The following EFCAB11 variants were observed in gnomAD, a reference collection of about 807,000 sequenced individuals.
The protein encoded by EFCAB11 is EF-hand calcium-binding domain-containing protein 11.
EFCAB11 carries 14 observed loss-of-function variants against 23.0 expected under a neutral mutation model. The observed-to-expected ratio is 0.61, with a 90% CI of 0.40 to 0.95. EFCAB11 has a LOEUF of 0.95. EFCAB11 is among the 40% of genes least tolerant of loss of function. The pLI is 0.00. For synonymous variants in EFCAB11, 65 were observed against 66.6 expected (o/e 0.98, Z 0.11); for missense variants, 198 against 195.8 (o/e 1.01, Z -0.07).
At chr14:89,819,419 TA>T (rs1886435507) in intron 5 of EFCAB11, among the ~76,000 whole-genome samples, 1 of 149,208 alleles carries the variant, frequency 6.7e-6, no homozygotes, top group Non-Finnish European at 1.5e-5. Flanking sequence ...AGAAACTTTC[TA>T]TCTTTTTTTT....
chr14:89,835,949 A>C (rs1050330367), intron 5 of EFCAB11, among the ~76,000 whole-genome samples: 18 of 152,050 alleles, frequency 1.2e-4, no homozygotes, highest in African/African-American at 4.1e-4. Flanking sequence ...TTTTTATTGC[A>C]GACACTCAAC....
intron 5 of EFCAB11, among the ~76,000 whole-genome samples, chr14:89,800,140 C>G (rs182694717): frequency 4.7e-4 from 72 of 152,160 alleles, no homozygotes; most frequent in African/African-American, 1.6e-3. Flanking sequence ...GAGCCAAGAT[C>G]GGGCCACTGC....
At chr14:89,851,449 G>T (rs1418627131) in intron 5 of EFCAB11, among the ~76,000 whole-genome samples, 1 of 152,242 alleles carries the variant, frequency 6.6e-6, no homozygotes, top group Non-Finnish European at 1.5e-5. Context: ...TTGGCTAAAT[G>T]AAGGGCTAAG....
In EFCAB11 at chr14:89,892,069, C is replaced by G. The variant is rs943294862; in HGVS notation, c.410+39472G>C. 27 of 1,542,402 alleles carry G rather than the reference C, an allele frequency of 1.8e-5. No individual in the cohort carries two copies. In the East Asian group the frequency reaches 5.6e-4, roughly 32 times the overall value. On this transcript the variant is annotated intron_variant, in intron 5 of 5. Transcript: ENST00000316738. ...GGAATGTGGTGGGTGTCCTGCTGGT[C>G]TTTGATGTGACAAACAGGAAGTCCT...
At chr14:89,911,424 G>A (rs1889672935) in intron 5 of EFCAB11, among the ~76,000 whole-genome samples, 1 of 152,190 alleles carries the variant, frequency 6.6e-6, no homozygotes, top group Non-Finnish European at 1.5e-5. Flanking sequence ...TTCAGACTAC[G>A]CAGACAAACA....
chr14:89,953,686 C>T (rs1380826104), intron 2 of EFCAB11, among the ~76,000 whole-genome samples: 1 of 152,164 alleles, frequency 6.6e-6, no homozygotes, highest in Admixed American at 6.5e-5. Flanking sequence ...TATTAGCAGC[C>T]TGGTGGTGAG....
At chr14:89,915,968 C>T (rs1451173622) in intron 5 of EFCAB11, among the ~76,000 whole-genome samples, 1 of 152,020 alleles carries the variant, frequency 6.6e-6, no homozygotes, top group Non-Finnish European at 1.5e-5. Context: ...AATATATATG[C>T]TATCTAGCCA....
chr14:89,801,897 G>A (rs1180562705), intron 5 of EFCAB11, among the ~76,000 whole-genome samples: 2 of 152,002 alleles, frequency 1.3e-5, no homozygotes, highest in African/African-American at 4.8e-5. Context: ...GGGAGGCTGA[G>A]GCAGAAGAAC....
chr14:89,796,295 TG>T lies in EFCAB11; in HGVS notation c.*947del, dbSNP rs1169895017. On this transcript the variant is annotated 3_prime_UTR_variant, in exon 6 of 6. Transcript: ENST00000316738. Reference sequence around the variant, plus strand: ...ACATTATCTTAGAGAAGTCTTTATATGTTTTTTTTTAATTGAAAGTGTTTTT... The same window carrying T: ...ACATTATCTTAGAGAAGTCTTTATATTTTTTTTTTAATTGAAAGTGTTTTT... The T allele has an allele frequency of 2.0e-5, 3 of 152,188 alleles. No homozygotes were observed. The highest frequency in any genetic ancestry group is 7.2e-5 in the African/African-American group (3 of 41,448). The allele number at this position is 152,188 out of a possible 1,614,324, so 9.4% of individuals were successfully genotyped here.
At chr14:89,953,206 A>AG (rs1566827523) in intron 2 of EFCAB11, among the ~76,000 whole-genome samples, 1 of 151,262 alleles carries the variant, frequency 6.6e-6, no homozygotes. Flanking sequence ...CAATGTTGGC[A>AG]GAAAAAAAAA....
At chr14:89,831,369 C>T (rs996602881) in intron 5 of EFCAB11, among the ~76,000 whole-genome samples, 2 of 152,024 alleles carry the variant, frequency 1.3e-5, no homozygotes, top group Non-Finnish European at 2.9e-5. Context: ...GTAGAATACT[C>T]GCAGAAAAGA....
chr14:89,931,832 AGTCCCGGC>A, intron 4 of EFCAB11, among the ~76,000 whole-genome samples: 1 of 152,220 alleles, frequency 6.6e-6, no homozygotes, highest in South Asian at 2.1e-4. Flanking sequence ...CCTTCAGTGC[AGTCCCGGC>A]TGATCTTGAA....
intron 5 of EFCAB11, among the ~76,000 whole-genome samples, chr14:89,913,346 T>C (rs1162842019): frequency 6.6e-6 from 1 of 152,210 alleles, no homozygotes; most frequent in Non-Finnish European, 1.5e-5. Flanking sequence ...TGAAAATGGC[T>C]CATTGTATAG....
At chr14:89,939,074 C>T (rs7147381) in intron 3 of EFCAB11, among the ~76,000 whole-genome samples, 22,023 of 150,052 alleles carry the variant, frequency 0.15, 3,496 homozygotes, top group African/African-American at 0.4. Context: ...TTTTATTATA[C>T]ACATCTCCTG....
chr14:89,834,236 C>T (rs779685478), intron 5 of EFCAB11, among the ~76,000 whole-genome samples: 18 of 151,772 alleles, frequency 1.2e-4, no homozygotes, highest in African/African-American at 4.1e-4. Context: ...ATTAGCCGAG[C>T]ATGGTGGCGC....
intron 5 of EFCAB11, among the ~76,000 whole-genome samples, chr14:89,904,822 T>A (rs1452041794): frequency 6.6e-6 from 1 of 152,208 alleles, no homozygotes; most frequent in Non-Finnish European, 1.5e-5. Context: ...TTGATGGGGT[T>A]GTTGTTTTCT....
At chr14:89,845,663 C>T (rs1887408446) in intron 5 of EFCAB11, among the ~76,000 whole-genome samples, 1 of 152,156 alleles carries the variant, frequency 6.6e-6, no homozygotes. Context: ...TTTGGGAAGA[C>T]ATCTCATGCT....
At chr14:89,808,228 C>T (rs60576175) in intron 5 of EFCAB11, among the ~76,000 whole-genome samples, 1 of 152,290 alleles carries the variant, frequency 6.6e-6, no homozygotes, top group African/African-American at 2.4e-5. Context: ...GCCATTGCTC[C>T]ATCTAATTAA....
At chr14:89,852,377 C>T (rs1887624743) in intron 5 of EFCAB11, among the ~76,000 whole-genome samples, 1 of 152,168 alleles carries the variant, frequency 6.6e-6, no homozygotes, top group Non-Finnish European at 1.5e-5. Context: ...GTGTTACCTG[C>T]TGATTGTTCT....
Sources: allele counts gnomAD v4.1 joint callset (sites outside exome capture counted in the v4.1 genomes callset), GRCh38; gene constraint gnomAD v4.1.1; transcripts MANE v1.5; gene names NCBI Gene and HGNC (gene_info 2026-07-23, HGNC 2026-07-21).